Variants in DOCK2 observed in about 807,000 individuals in gnomAD.
DOCK2 encodes dedicator of cytokinesis protein 2.
In DOCK2, 87 loss-of-function variants were observed where a neutral mutation model predicts 248.9. The observed-to-expected ratio is 0.35, with a 90% confidence interval of 0.29 to 0.42. The LOEUF is 0.42. Among genes scored for constraint, DOCK2 ranks in the 10% least tolerant of loss-of-function variants. DOCK2 has a pLI of 1.00. For synonymous variants in DOCK2, 805 were observed against 821.6 expected, an observed-to-expected ratio of 0.98 and a Z score of 0.35; for missense variants, 1,747 against 2,300.2, an observed-to-expected ratio of 0.76 and a Z score of 4.92.
intron 27 of DOCK2, among the ~76,000 whole-genome samples, chr5:169,959,659 T>C (rs764612115): frequency 6.6e-6 from 1 of 152,168 alleles, no homozygotes; most frequent in Non-Finnish European, 1.5e-5. Context: ...ACTAAAGGAC[T>C]TTAGGGAGTC....
chr5:170,055,473 G>A, intron 42 of DOCK2, 87 bp downstream of exon 42: 2 of 1,242,860 alleles, frequency 1.6e-6, no homozygotes, highest in Non-Finnish European at 1.2e-6. Flanking sequence ...ACAGACCCCA[G>A]TGTCTTTCTA....
intron 30 of DOCK2, among the ~76,000 whole-genome samples, chr5:170,006,538 A>T (rs1755039651): frequency 6.6e-6 from 1 of 151,946 alleles, no homozygotes; most frequent in Admixed American, 6.6e-5. Flanking sequence ...GTCTCGAATG[A>T]TCTGATGTGT....
chr5:170,027,296 G>C (rs889193999), intron 33 of DOCK2, among the ~76,000 whole-genome samples: 1 of 152,056 alleles, frequency 6.6e-6, no homozygotes, highest in African/African-American at 2.4e-5. Flanking sequence ...TCCACATCTG[G>C]AACTAGGGAG....
chr5:169,803,520 A>T (rs1391551663), intron 26 of DOCK2, among the ~76,000 whole-genome samples: 1 of 152,178 alleles, frequency 6.6e-6, no homozygotes, highest in African/African-American at 2.4e-5. Context: ...CAGGGGTGGG[A>T]GGAGGAGTTT....
chr5:169,890,618 T>C (rs1773226277), intron 27 of DOCK2, among the ~76,000 whole-genome samples: 1 of 152,142 alleles, frequency 6.6e-6, no homozygotes, highest in East Asian at 1.9e-4. Context: ...TTGTAAGTGG[T>C]CAAAGAAACA....
At chr5:170,042,810 C>A (rs1283980680) in intron 38 of DOCK2, among the ~76,000 whole-genome samples, 1 of 152,154 alleles carries the variant, frequency 6.6e-6, no homozygotes, top group Non-Finnish European at 1.5e-5. Context: ...TGTTCATTTT[C>A]TTTTTACTTG....
intron 27 of DOCK2, among the ~76,000 whole-genome samples, chr5:169,943,136 C>T (rs963390817): frequency 1.3e-5 from 2 of 152,202 alleles, no homozygotes; most frequent in African/African-American, 4.8e-5. Flanking sequence ...TCCCCACACC[C>T]AGGCCATCAA....
At position 169,977,497 on chromosome 5, in the gene DOCK2, C is replaced by A. The variant is rs1777756843; in HGVS notation, c.2800-5571C>A. ...CAAATTAATTGAACCCTCACCAAAACAGTGTGAAGTAAGGAATATTTTTAT... is the reference window on the plus strand; with the variant it reads ...CAAATTAATTGAACCCTCACCAAAAAAGTGTGAAGTAAGGAATATTTTTAT... On this transcript the variant is annotated intron_variant, in intron 27 of 51. Transcript: ENST00000520908. 5.3e-5 allele frequency among the ~76,000 whole-genome samples: 8 copies of A among 152,296 alleles called. No homozygotes were observed. The South Asian group carries it at 1.7e-3, about 32-fold the overall frequency.
At chr5:169,663,125 C>T (rs1758535350) in intron 2 of DOCK2, among the ~76,000 whole-genome samples, 1 of 152,196 alleles carries the variant, frequency 6.6e-6, no homozygotes, top group Non-Finnish European at 1.5e-5. Context: ...GGCTACAGGC[C>T]TCATGCAAGT....
chr5:170,068,792 G>T (rs576543420), intron 45 of DOCK2, among the ~76,000 whole-genome samples: 2 of 152,280 alleles, frequency 1.3e-5, no homozygotes, highest in East Asian at 3.9e-4. Flanking sequence ...TGACACACGG[G>T]TCCTCACCCC....
Position 169,716,202 on chromosome 5 carries a change from A to T in DOCK2, c.1942-11A>T. 6.2e-7 allele frequency: 1 copy of T among 1,612,956 alleles called. No homozygotes were observed. The highest frequency in any genetic ancestry group is 8.5e-7 in the Non-Finnish European group (1 of 1,179,200). On this transcript the variant is annotated splice_polypyrimidine_tract_variant and intron_variant, in intron 19 of 51. Transcript: ENST00000520908. ...TTTCTGAAGTAGTGCAACCTTTGTT[A>T]TTTCTTCCAGTTTCTCCAGGATACT... is the stretch of plus-strand genomic sequence containing the variant.
At chr5:169,650,045 C>T (rs963777191) in intron 1 of DOCK2, among the ~76,000 whole-genome samples, 1 of 152,188 alleles carries the variant, frequency 6.6e-6, no homozygotes, top group Non-Finnish European at 1.5e-5. Context: ...CTCAAGTGAT[C>T]CACCTGCCTC....
chr5:169,641,401 G>A (rs1419438946), intron 1 of DOCK2, among the ~76,000 whole-genome samples: 1 of 152,220 alleles, frequency 6.6e-6, no homozygotes, highest in African/African-American at 2.4e-5. Flanking sequence ...TGATGCTGTC[G>A]CAGCCCAGGA....
chr5:170,025,832 C>T (rs571049798), intron 33 of DOCK2, among the ~76,000 whole-genome samples: 1,996 of 124,798 alleles, frequency 0.016, 31 homozygotes, highest in African/African-American at 0.038. Flanking sequence ...TCCTTCCTTC[C>T]TTCCTTCCTT....
intron 33 of DOCK2, 81 bp downstream of exon 33, chr5:170,019,189 C>G: frequency 3.1e-6 from 5 of 1,593,830 alleles, no homozygotes; most frequent in Non-Finnish European, 4.3e-6. Flanking sequence ...CATTCCATCT[C>G]CCTGAGCTTC....
chr5:169,988,344 A>G (rs1778122734), intron 29 of DOCK2, among the ~76,000 whole-genome samples: 1 of 152,184 alleles, frequency 6.6e-6, no homozygotes, highest in South Asian at 2.1e-4. Context: ...AATCCTCCCA[A>G]CAACTTTATA....
chr5:169,806,049 T>C (rs1767334406), intron 26 of DOCK2, among the ~76,000 whole-genome samples: 1 of 152,172 alleles, frequency 6.6e-6, no homozygotes, highest in African/African-American at 2.4e-5. Flanking sequence ...GATGGAAATC[T>C]CTCTTCTTTT....
intron 22 of DOCK2, among the ~76,000 whole-genome samples, chr5:169,729,888 T>C (rs559071887): frequency 6.6e-6 from 1 of 152,278 alleles, no homozygotes; most frequent in South Asian, 2.1e-4. Flanking sequence ...TGGGTCTTAG[T>C]TTCCTGGTCT....
chr5:169,882,815 G>C, intron 27 of DOCK2: 1 of 1,550,642 alleles, frequency 6.4e-7, no homozygotes, highest in South Asian at 1.2e-5. Context: ...GACTCGGTGG[G>C]GTTGTTTGCC....
Sources: allele counts gnomAD v4.1 joint callset (sites outside exome capture counted in the v4.1 genomes callset), GRCh38; gene constraint gnomAD v4.1.1; transcripts MANE v1.5; gene names NCBI Gene and HGNC (gene_info 2026-07-23, HGNC 2026-07-21).